The following TNS3 variants were observed in gnomAD, a reference collection of about 807,000 sequenced individuals.
TNS3 encodes the protein tensin 3.
In TNS3, 45 loss-of-function variants were observed where a neutral mutation model predicts 140.9. That is an observed-to-expected ratio of 0.32 (90% CI 0.25 to 0.41). The LOEUF is 0.41. Ranked by LOEUF, TNS3 falls within the 10% of genes least tolerant of loss-of-function variation. TNS3 has a pLI of 1.00. For synonymous variants in TNS3, 815 were observed against 788.4 expected, an observed-to-expected ratio of 1.03 and a Z score of -0.56; for missense variants, 1,716 against 1,906.7, an observed-to-expected ratio of 0.90 and a Z score of 1.86.
At chr7:47,505,081 G>A (rs1798365572) in intron 3 of TNS3, among the ~76,000 whole-genome samples, 1 of 152,170 alleles carries the variant, frequency 6.6e-6, no homozygotes, top group Non-Finnish European at 1.5e-5. Flanking sequence ...GTGGCTCAGA[G>A]GTGGCTGGGC....
intron 17 of TNS3, among the ~76,000 whole-genome samples, chr7:47,358,535 A>G (rs898850522): frequency 1.1e-4 from 17 of 152,156 alleles, no homozygotes; most frequent in African/African-American, 2.2e-4. Flanking sequence ...TGCGCTGAAC[A>G]TAAGTGTGGC....
At chr7:47,465,349 G>A (rs996471048) in intron 4 of TNS3, among the ~76,000 whole-genome samples, 1 of 152,170 alleles carries the variant, frequency 6.6e-6, no homozygotes, top group African/African-American at 2.4e-5. Context: ...TGCAAGAGGG[G>A]GAAAGGACGC....
At chr7:47,332,099 G>A (rs1788374358) in intron 20 of TNS3, among the ~76,000 whole-genome samples, 1 of 152,232 alleles carries the variant, frequency 6.6e-6, no homozygotes, top group South Asian at 2.1e-4. Flanking sequence ...GTGTCAAAAA[G>A]AATGGGTGCA....
intron 17 of TNS3, among the ~76,000 whole-genome samples, chr7:47,348,805 T>C (rs1789497663): frequency 1.3e-5 from 2 of 152,326 alleles, no homozygotes; most frequent in East Asian, 1.9e-4. Context: ...CTTCAGAAAC[T>C]GAGGTCCCAT....
At chr7:47,545,392 T>C (rs1799894199) in intron 1 of TNS3, among the ~76,000 whole-genome samples, 1 of 152,174 alleles carries the variant, frequency 6.6e-6, no homozygotes, top group Non-Finnish European at 1.5e-5. Flanking sequence ...TAGATGGTAG[T>C]GCATGCCACT....
At chr7:47,536,863 C>T (rs1247950667) in intron 1 of TNS3, among the ~76,000 whole-genome samples, 1 of 152,184 alleles carries the variant, frequency 6.6e-6, no homozygotes, top group African/African-American at 2.4e-5. Context: ...CACTGACATA[C>T]GCGCACTGAC....
intron 3 of TNS3, among the ~76,000 whole-genome samples, chr7:47,494,903 G>A (rs369429284): frequency 1.3e-5 from 2 of 152,302 alleles, no homozygotes; most frequent in South Asian, 4.1e-4. Context: ...TCAAAATCTG[G>A]AGGTGGGGAT....
intron 3 of TNS3, among the ~76,000 whole-genome samples, chr7:47,482,113 C>G (rs1243705573): frequency 6.6e-6 from 1 of 152,232 alleles, no homozygotes; most frequent in Non-Finnish European, 1.5e-5. Flanking sequence ...CACTCCTTAG[C>G]TTTCTCCTGG....
At chr7:47,284,696 C>T (rs1189016122) in intron 27 of TNS3, among the ~76,000 whole-genome samples, 4 of 152,224 alleles carry the variant, frequency 2.6e-5, no homozygotes, top group Admixed American at 2.6e-4. Flanking sequence ...AACAGAACTG[C>T]CCTCACTCAC....
chr7:47,355,284 G>A (rs1178637286), intron 17 of TNS3, among the ~76,000 whole-genome samples: 1 of 152,202 alleles, frequency 6.6e-6, no homozygotes, highest in African/African-American at 2.4e-5. Context: ...GAGGAGCTGG[G>A]GATGGTGGGG....
chr7:47,365,431 C>G (rs755190040), intron 17 of TNS3, among the ~76,000 whole-genome samples: 24 of 138,862 alleles, frequency 1.7e-4, no homozygotes, highest in Admixed American at 3.7e-4. Flanking sequence ...GGCGACAGAG[C>G]AAGACTCCAT....
chr7:47,344,662 T>C (rs1789215435), intron 20 of TNS3, 93 bp downstream of exon 20: 4 of 1,150,254 alleles, frequency 3.5e-6, no homozygotes, highest in East Asian at 4.7e-5. Flanking sequence ...AATGGAAACA[T>C]TTCTGCATAC....
At chr7:47,369,650 T>C (rs1338594681) in intron 16 of TNS3, 29 bp from the exon 17 acceptor site, 1 of 1,527,226 alleles carries the variant, frequency 6.5e-7, no homozygotes, top group East Asian at 2.3e-5. Context: ...GAGAGAGGCT[T>C]TCAGTCAGGG....
intron 17 of TNS3, among the ~76,000 whole-genome samples, chr7:47,361,468 C>T (rs1463821010): frequency 6.6e-6 from 1 of 152,206 alleles, no homozygotes; most frequent in African/African-American, 2.4e-5. Context: ...TGAGCACCCC[C>T]AGCACGTTCC....
At chr7:47,579,420 A>T (rs1401190611) in intron 1 of TNS3, 1 of 152,156 alleles carries the variant, frequency 6.6e-6, no homozygotes, top group Non-Finnish European at 1.5e-5. Context: ...GCAAGACAGG[A>T]GGCCCCTCCC....
chr7:47,422,328 G>A (rs1163100084), intron 10 of TNS3, among the ~76,000 whole-genome samples: 2 of 152,216 alleles, frequency 1.3e-5, no homozygotes, highest in Non-Finnish European at 2.9e-5. Flanking sequence ...GGGAATGTGA[G>A]AAGAGCAGGG....
chr7:47,343,400 A>C (rs1789132752), intron 20 of TNS3, among the ~76,000 whole-genome samples: 1 of 152,218 alleles, frequency 6.6e-6, no homozygotes, highest in South Asian at 2.1e-4. Flanking sequence ...GGCTGTTTCT[A>C]GTATTTTATT....
intron 3 of TNS3, among the ~76,000 whole-genome samples, chr7:47,500,115 G>C (rs188550540): frequency 8.6e-4 from 131 of 152,130 alleles, no homozygotes; most frequent in African/African-American, 2.7e-3. Flanking sequence ...ACACACACTT[G>C]GCAAACATAG....
Position 47,558,101 on chromosome 7 carries a change from C to G in TNS3, c.-265+23950G>C, listed in dbSNP as rs138465271. Among the ~76,000 whole-genome samples the G allele has an allele frequency of 7.5e-3, 1,148 of 152,338 alleles. 13 individuals carry two copies. The highest frequency in any genetic ancestry group is 0.025 in the African/African-American group (1,041 of 41,578). ...AGGCTGGCCCTCCACTGTCCACCCCCATGTGGGTGCTGACGCCTGTATACA... is the reference window on the plus strand; with the variant it reads ...AGGCTGGCCCTCCACTGTCCACCCCGATGTGGGTGCTGACGCCTGTATACA... On this transcript the variant is annotated intron_variant, in intron 1 of 30. Transcript: ENST00000311160.
Sources: allele counts gnomAD v4.1 joint callset (sites outside exome capture counted in the v4.1 genomes callset), GRCh38; gene constraint gnomAD v4.1.1; transcripts MANE v1.5; gene names NCBI Gene and HGNC (gene_info 2026-07-23, HGNC 2026-07-21).